The following DLC1 variants were observed in gnomAD, a reference collection of about 807,000 sequenced individuals.
DLC1 encodes the protein rho GTPase-activating protein 7.
A neutral mutation model predicts 140.3 loss-of-function variants in DLC1; 54 were observed. The ratio of observed to expected loss-of-function variants is 0.38; its 90% CI spans 0.31 to 0.48. The LOEUF is 0.48. DLC1 is among the 20% of genes least tolerant of loss of function. The probability of loss-of-function intolerance (pLI) is 0.96; values close to 1 mark genes in which losing one functional copy is unlikely to be tolerated. For missense variants in DLC1, 2,536 were observed against 1,907.0 expected, an observed-to-expected ratio of 1.33 and a Z score of -6.14; for synonymous variants, 986 against 728.1, an observed-to-expected ratio of 1.35 and a Z score of -5.70.
At chr8:13,463,312 A>C (rs1157468321) in intron 2 of DLC1, among the ~76,000 whole-genome samples, 1 of 152,096 alleles carries the variant, frequency 6.6e-6, no homozygotes, top group Non-Finnish European at 1.5e-5. Context: ...AAGGAGAATA[A>C]TACTTGGGTG....
intron 4 of DLC1, among the ~76,000 whole-genome samples, chr8:13,380,831 C>G (rs900579749): frequency 2.0e-5 from 3 of 152,186 alleles, no homozygotes; most frequent in Non-Finnish European, 4.4e-5. Context: ...AGAATGCATT[C>G]AAGACCTCAA....
chr8:13,259,251 T>G (rs1038438211), intron 5 of DLC1, among the ~76,000 whole-genome samples: 1 of 152,040 alleles, frequency 6.6e-6, no homozygotes, highest in African/African-American at 2.4e-5. Flanking sequence ...CAAAAGGACT[T>G]GGCCGCCCCA....
At chr8:13,249,591 A>G (rs1829915799) in intron 5 of DLC1, among the ~76,000 whole-genome samples, 1 of 152,052 alleles carries the variant, frequency 6.6e-6, no homozygotes, top group Non-Finnish European at 1.5e-5. Context: ...GTGATTCAAC[A>G]ATTTTCTTAT....
At chr8:13,394,633 A>G (rs1836932292) in intron 3 of DLC1, among the ~76,000 whole-genome samples, 2 of 152,198 alleles carry the variant, frequency 1.3e-5, no homozygotes, top group South Asian at 4.1e-4. Context: ...TATGATTTAA[A>G]TATCTCTATG....
upstream of DLC1, among the ~76,000 whole-genome samples, chr8:13,517,941 T>A (rs952096675): frequency 6.6e-6 from 1 of 152,186 alleles, no homozygotes; most frequent in Non-Finnish European, 1.5e-5. Flanking sequence ...AATGTTTACA[T>A]CTCTCTTTCA....
intron 15 of DLC1, among the ~76,000 whole-genome samples, chr8:13,088,907 A>C (rs891231532): frequency 6.6e-6 from 1 of 152,208 alleles, no homozygotes; most frequent in Non-Finnish European, 1.5e-5. Context: ...GCTGTCCCCA[A>C]GCATATTTAA....
chr8:13,085,925 G>A lies in DLC1; in HGVS notation c.4473C>T (p.His1491=), dbSNP rs1452161619. ...AAGATTTTGTGTACCATTCTGGCAT[G>A]TGGCCCCTATCAGAGAAAAGAAAGA... ...TYMCRVDLRG[H]MPEWYTKSFG... is the part of the protein sequence containing the mutation. Residue 1491 remains histidine (H), a synonymous_variant, in exon 18 of 18, where the codon CAC becomes CAT. Transcript: ENST00000276297. The A allele has an allele frequency of 2.5e-6, 4 of 1,613,888 alleles. No individual in the cohort carries two copies. The highest frequency in any genetic ancestry group is 2.5e-6 in the Non-Finnish European group (3 of 1,179,978).
chr8:13,482,111 C>A (rs941875631), intron 2 of DLC1, among the ~76,000 whole-genome samples: 4 of 152,054 alleles, frequency 2.6e-5, no homozygotes, highest in Non-Finnish European at 5.9e-5. Context: ...TTTAAGCATG[C>A]AATTTAAGGT....
chr8:13,207,691 C>G (rs146870018), intron 5 of DLC1, among the ~76,000 whole-genome samples: 5 of 152,184 alleles, frequency 3.3e-5, no homozygotes, highest in Non-Finnish European at 7.4e-5. Context: ...TGATCTTTCT[C>G]CCTAGGGGAC....
At chr8:13,086,562 C>A in intron 16 of DLC1, 99 bp from the exon 17 acceptor site, 1 of 1,400,396 alleles carries the variant, frequency 7.1e-7, no homozygotes, top group South Asian at 1.3e-5. Context: ...GGTGACGGGT[C>A]AGGCTCAGTG....
Position 13,102,756 on chromosome 8 carries a change from C to T in DLC1, c.1566+34G>A, listed in dbSNP as rs778375025. 16 of 1,581,722 alleles carry T rather than the reference C, an allele frequency of 1.0e-5. No homozygotes were observed. The African/African-American group carries it at 1.9e-4, about 19-fold the overall frequency. On this transcript the variant is annotated intron_variant, in intron 8 of 17. Transcript: ENST00000276297. ...ATTCACTTTTTTGTTTGCCCCTTTTCCCCCTCATTCTATTATGCAATTTGT... is the reference window on the plus strand; with the variant it reads ...ATTCACTTTTTTGTTTGCCCCTTTTTCCCCTCATTCTATTATGCAATTTGT...
At chr8:13,414,953 G>A (rs897636855) in intron 2 of DLC1, among the ~76,000 whole-genome samples, 4 of 152,014 alleles carry the variant, frequency 2.6e-5, no homozygotes, top group African/African-American at 9.7e-5. Flanking sequence ...TGGGATTACA[G>A]GCGTGCGCCA....
At chr8:13,368,171 T>G (rs1835578479) in intron 4 of DLC1, among the ~76,000 whole-genome samples, 1 of 152,192 alleles carries the variant, frequency 6.6e-6, no homozygotes, top group Non-Finnish European at 1.5e-5. Context: ...ATTGGGAATT[T>G]TTAAACAGAT....
intron 1 of DLC1, among the ~76,000 whole-genome samples, chr8:13,600,211 G>A (rs1180603916): frequency 6.6e-6 from 1 of 151,866 alleles, no homozygotes; most frequent in African/African-American, 2.4e-5. Flanking sequence ...AGTGCACTAT[G>A]AAGAGACATA....
At chr8:13,095,332 T>C in intron 10 of DLC1, 87 bp from the exon 11 acceptor site, 2 of 1,541,992 alleles carry the variant, frequency 1.3e-6, no homozygotes, top group African/African-American at 1.4e-5. Context: ...GCAAACCCTG[T>C]GGGCTCCAGA....
intron 10 of DLC1, among the ~76,000 whole-genome samples, chr8:13,098,112 C>G (rs1249186343): frequency 3.3e-5 from 5 of 151,352 alleles, no homozygotes; most frequent in African/African-American, 7.3e-5. Context: ...AGGAGTCCAG[C>G]CACTCTGGAG....
chr8:13,390,861 A>C (rs572316938), intron 4 of DLC1, among the ~76,000 whole-genome samples: 1 of 151,972 alleles, frequency 6.6e-6, no homozygotes, highest in East Asian at 1.9e-4. Context: ...GGTGGAGGGC[A>C]CCTGTAGTCC....
Position 13,469,888 on chromosome 8 carries a change from GA to G in DLC1, c.1023+29160del, listed in dbSNP as rs1269638726. Among the ~76,000 whole-genome samples the G allele has an allele frequency of 1.5e-4, 23 of 152,238 alleles. 1 individual carries two copies. The highest frequency in any genetic ancestry group is 6.8e-3 in the Middle Eastern group (2 of 294). On this transcript the variant is annotated intron_variant, in intron 2 of 17. Transcript: ENST00000276297. ...ATTATGAAGAAAATTAAATATATAA[GA>G]AATTCTAGTTTCTGCCCTCCAGAAT...
chr8:13,353,294 A>G (rs1834760564), intron 4 of DLC1: 2 of 152,118 alleles, frequency 1.3e-5, no homozygotes, highest in Admixed American at 6.5e-5. Context: ...TCCCTCAACT[A>G]CATATGTGGC....
Sources: gnomAD v4.1 joint callset for allele counts (sites outside exome capture counted in the v4.1 genomes callset) on GRCh38, gnomAD v4.1.1 for gene constraint, MANE v1.5 for transcripts, NCBI Gene and HGNC (gene_info 2026-07-23, HGNC 2026-07-21) for gene names.